Variants in ADAMTSL1 observed in about 807,000 individuals in gnomAD.
ADAMTSL1 encodes the protein ADAMTS like 1.
A neutral mutation model predicts 201.8 loss-of-function variants in ADAMTSL1; 126 were observed. The observed-to-expected ratio is 0.62, with a 90% CI of 0.54 to 0.72. ADAMTSL1 has a LOEUF of 0.72. ADAMTSL1 is among the 30% of genes least tolerant of loss of function. ADAMTSL1 has a pLI of 0.00. For synonymous variants in ADAMTSL1, 1,121 were observed against 903.4 expected (o/e 1.24, Z -4.32); for missense variants, 2,679 against 2,277.8 (o/e 1.18, Z -3.59).
At chr9:18,663,303 A>G (rs943217616) in intron 9 of ADAMTSL1, among the ~76,000 whole-genome samples, 24 of 152,268 alleles carry the variant, frequency 1.6e-4, no homozygotes, top group African/African-American at 5.8e-4. Context: ...TTAAAAGAAC[A>G]AAAAGAATAG....
At chr9:18,642,026 A>G (rs1827475114) in intron 7 of ADAMTSL1, among the ~76,000 whole-genome samples, 1 of 152,038 alleles carries the variant, frequency 6.6e-6, no homozygotes, top group East Asian at 1.9e-4. Flanking sequence ...CACAATCAGC[A>G]AAATAGCATC....
chr9:18,172,854 C>T (rs1827965707), intron 2 of ADAMTSL1, among the ~76,000 whole-genome samples: 1 of 152,070 alleles, frequency 6.6e-6, no homozygotes. Context: ...CATTTTACAA[C>T]ATGGCATCAT....
chr9:18,347,358 C>G (rs1835772709), intron 2 of ADAMTSL1, among the ~76,000 whole-genome samples: 1 of 150,464 alleles, frequency 6.6e-6, no homozygotes, highest in African/African-American at 2.4e-5. Context: ...GATGAGAATT[C>G]CAGGGCATTT....
chr9:18,310,722 C>A (rs200357298), intron 2 of ADAMTSL1, among the ~76,000 whole-genome samples: 1 of 151,910 alleles, frequency 6.6e-6, no homozygotes, highest in Admixed American at 6.6e-5. Flanking sequence ...CTAGAGAGGA[C>A]GTGGAGAAAT....
intron 26 of ADAMTSL1, among the ~76,000 whole-genome samples, chr9:18,892,927 G>A (rs140108608): frequency 5.3e-4 from 80 of 151,770 alleles, no homozygotes; most frequent in African/African-American, 1.5e-3. Context: ...AATCACCGGC[G>A]ACTTTCTATT....
intron 25 of ADAMTSL1, among the ~76,000 whole-genome samples, chr9:18,891,171 G>A (rs913239622): frequency 6.6e-6 from 1 of 152,196 alleles, no homozygotes; most frequent in African/African-American, 2.4e-5. Flanking sequence ...CAGATGTGGC[G>A]CCGCTTGGCT....
At chr9:17,977,341 A>C (rs1247683194) in intron 1 of ADAMTSL1, among the ~76,000 whole-genome samples, 1 of 152,130 alleles carries the variant, frequency 6.6e-6, no homozygotes, top group Non-Finnish European at 1.5e-5. Flanking sequence ...GGCCTTATAA[A>C]ATTAATTTGG....
At chr9:17,923,043 G>C (rs1826371177) in intron 1 of ADAMTSL1, among the ~76,000 whole-genome samples, 1 of 152,166 alleles carries the variant, frequency 6.6e-6, no homozygotes, top group Non-Finnish European at 1.5e-5. Flanking sequence ...ACCATCCAAA[G>C]CCTTGTAGTA....
intron 2 of ADAMTSL1, among the ~76,000 whole-genome samples, chr9:18,378,998 T>A (rs575065810): frequency 6.6e-6 from 1 of 152,310 alleles, no homozygotes; most frequent in South Asian, 2.1e-4. Context: ...CAAGAAAAAG[T>A]AAGTAGAATA....
At chr9:18,083,096 A>T (rs933290272) in intron 1 of ADAMTSL1, among the ~76,000 whole-genome samples, 1 of 152,216 alleles carries the variant, frequency 6.6e-6, no homozygotes, top group Non-Finnish European at 1.5e-5. Context: ...TGTGGAACGT[A>T]AGACTTGAGA....
chr9:18,624,238 T>G (rs1469555296), intron 5 of ADAMTSL1, among the ~76,000 whole-genome samples: 1 of 152,206 alleles, frequency 6.6e-6, no homozygotes, highest in Non-Finnish European at 1.5e-5. Context: ...TGAGGTAACT[T>G]AGACATTGAT....
intron 1 of ADAMTSL1, among the ~76,000 whole-genome samples, chr9:18,015,182 C>T (rs924455871): frequency 2.0e-5 from 3 of 151,998 alleles, no homozygotes; most frequent in African/African-American, 4.8e-5. Context: ...CTCTGGTACA[C>T]ATGGGAATGA....
chr9:18,355,018 C>T (rs879542100), intron 2 of ADAMTSL1, among the ~76,000 whole-genome samples: 4 of 151,996 alleles, frequency 2.6e-5, no homozygotes, highest in Non-Finnish European at 5.9e-5. Flanking sequence ...AGAAAATTGA[C>T]AAAGCACCTT....
At chr9:18,716,439 A>G (rs1332509890) in intron 14 of ADAMTSL1, among the ~76,000 whole-genome samples, 2 of 152,210 alleles carry the variant, frequency 1.3e-5, no homozygotes, top group African/African-American at 4.8e-5. Flanking sequence ...ACATGAACAC[A>G]GACTTCTCAA....
intron 2 of ADAMTSL1, among the ~76,000 whole-genome samples, chr9:18,256,779 G>A (rs1211356461): frequency 1.3e-5 from 2 of 152,202 alleles, no homozygotes; most frequent in Non-Finnish European, 1.5e-5. Flanking sequence ...TATACAGCCC[G>A]GGTGCTCTGA....
At chr9:17,919,757 A>G (rs930884073) in intron 1 of ADAMTSL1, among the ~76,000 whole-genome samples, 1 of 152,074 alleles carries the variant, frequency 6.6e-6, no homozygotes, top group Non-Finnish European at 1.5e-5. Flanking sequence ...CTTTTTAGCT[A>G]TTATGAGTAA....
At chr9:18,168,822 C>G (rs575507458) in intron 2 of ADAMTSL1, among the ~76,000 whole-genome samples, 4 of 148,646 alleles carry the variant, frequency 2.7e-5, no homozygotes, top group African/African-American at 9.8e-5. Flanking sequence ...GCCATTCTAA[C>G]TGGTGTGAGA....
intron 2 of ADAMTSL1, among the ~76,000 whole-genome samples, chr9:18,429,868 C>G (rs982520342): frequency 2.0e-5 from 3 of 152,106 alleles, no homozygotes; most frequent in African/African-American, 7.2e-5. Flanking sequence ...CGGCTCACTG[C>G]AACCTCTGCC....
At chr9:18,233,068 CAG>C (rs1159220271) in intron 2 of ADAMTSL1, among the ~76,000 whole-genome samples, 2 of 152,164 alleles carry the variant, frequency 1.3e-5, no homozygotes, top group African/African-American at 4.8e-5. Flanking sequence ...TCCTCAAGCA[CAG>C]AGCTTGTCAA....
Sources: gnomAD v4.1 joint callset for allele counts (sites outside exome capture counted in the v4.1 genomes callset) on GRCh38, gnomAD v4.1.1 for gene constraint, MANE v1.5 for transcripts, NCBI Gene and HGNC (gene_info 2026-07-23, HGNC 2026-07-21) for gene names.